Variants in GPR107 observed in about 807,000 individuals in gnomAD.
The protein encoded by GPR107 is protein GPR107.
A neutral mutation model predicts 75.5 loss-of-function variants in GPR107; 31 were observed. That is an observed-to-expected ratio of 0.41 (90% confidence interval 0.31 to 0.55). GPR107 has a LOEUF of 0.55. GPR107 is among the 20% of genes least tolerant of loss of function. The pLI is 0.26. For missense variants in GPR107, 572 were observed against 665.7 expected (o/e 0.86, Z 1.55); for synonymous variants, 267 against 251.3 (o/e 1.06, Z -0.59).
At chr9:130,055,324 C>G (rs1388082876) in intron 1 of GPR107, among the ~76,000 whole-genome samples, 1 of 151,756 alleles carries the variant, frequency 6.6e-6, no homozygotes, top group East Asian at 2.0e-4. Flanking sequence ...AAAAAATTAG[C>G]CAGGCGTGGT....
chr9:130,122,388 T>G (rs1831569683), intron 14 of GPR107, among the ~76,000 whole-genome samples: 1 of 152,152 alleles, frequency 6.6e-6, no homozygotes, highest in Non-Finnish European at 1.5e-5. Context: ...AACAGCAGGT[T>G]TGCATCCAGA....
Position 130,140,071 on chromosome 9 carries a change from AC to A in GPR107, c.*4951del, listed in dbSNP as rs1161936261. On this transcript the variant is annotated 3_prime_UTR_variant, in exon 18 of 18. Transcript: ENST00000347136. The surrounding 1 kb of genome is among the most constrained non-coding windows in gnomAD (Gnocchi z 4.0). The stretch of plus-strand genomic sequence containing the variant: ...TGAAGAGTATTTATGTAAACATACA[AC>A]GTATAATGGGTGGGGGATCCGATCA... 1 of 152,138 alleles carries A rather than the reference AC, an allele frequency of 6.6e-6. No individual in the cohort carries two copies. The highest frequency in any genetic ancestry group is 1.5e-5 in the Non-Finnish European group (1 of 68,034). The allele number at this position is 152,138 out of a possible 1,614,324, so 9.4% of individuals were successfully genotyped here.
At chr9:130,078,054 A>G (rs1830400172) in intron 4 of GPR107, among the ~76,000 whole-genome samples, 1 of 151,876 alleles carries the variant, frequency 6.6e-6, no homozygotes, top group African/African-American at 2.4e-5. Flanking sequence ...AGTCCCAGCT[A>G]TTCGGGAGGC....
intron 14 of GPR107, among the ~76,000 whole-genome samples, chr9:130,123,290 C>T (rs578242421): frequency 6.6e-6 from 1 of 152,176 alleles, no homozygotes; most frequent in African/African-American, 2.4e-5. Flanking sequence ...CTGCAACTGC[C>T]ATCTCCCAGA....
chr9:130,055,861 T>G (rs1175043288), intron 1 of GPR107, among the ~76,000 whole-genome samples: 2 of 148,794 alleles, frequency 1.3e-5, no homozygotes, highest in Non-Finnish European at 3.0e-5. Flanking sequence ...GGATAATTGC[T>G]TGAACCCGGG....
At chr9:130,101,264 C>T (rs753736538) in intron 12 of GPR107, 41 bp downstream of exon 12, 79 of 1,082,038 alleles carry the variant, frequency 7.3e-5, no homozygotes, top group Non-Finnish European at 8.9e-5. Context: ...CCTTTCTTGG[C>T]GCTTAGCAGG....
At chr9:130,054,617 T>C (rs969992341) in intron 1 of GPR107, among the ~76,000 whole-genome samples, 1 of 152,166 alleles carries the variant, frequency 6.6e-6, no homozygotes, top group Non-Finnish European at 1.5e-5. Context: ...AGCATTAAGG[T>C]GTGTCTCTAA....
rs1831917540 is a variant in GPR107 at position 130,135,045 on chromosome 9, T to C, written c.1583T>C (p.Met528Thr). 1.2e-6 allele frequency: 2 copies of C among 1,605,204 alleles called. No individual in the cohort carries two copies. The highest frequency in any genetic ancestry group is 1.3e-5 in the African/African-American group (1 of 74,764). Residue 528 changes from methionine (M) to threonine (T), a missense_variant, in exon 18 of 18, where the codon ATG becomes ACG. Met to Thr is a moderately conservative substitution (Grantham distance 81). Coordinates refer to ENST00000347136, the MANE Select transcript of GPR107 (RefSeq NM_020960.5). Reference sequence around the variant, plus strand: ...TTCAGTGTGACAACATCTGGGGTGATGGAAAGTATGAAGAAAGTCAAGAAG... The same window carrying C: ...TTCAGTGTGACAACATCTGGGGTGACGGAAAGTATGAAGAAAGTCAAGAAG... The part of the protein sequence containing the change: ...MESVVTTSGV[M>T]ESMKKVKKVT...
chr9:130,116,724 C>G (rs1024173804), intron 14 of GPR107, among the ~76,000 whole-genome samples: 2 of 152,142 alleles, frequency 1.3e-5, no homozygotes, highest in Non-Finnish European at 2.9e-5. Flanking sequence ...GAGCTGGAAA[C>G]CTAACAGGCT....
At chr9:130,129,961 A>G (rs915270743) in intron 17 of GPR107, 2 of 152,228 alleles carry the variant, frequency 1.3e-5, no homozygotes, top group Non-Finnish European at 2.9e-5. Flanking sequence ...CAGCCGTTAC[A>G]TCTTGGAGCC....
intron 17 of GPR107, among the ~76,000 whole-genome samples, chr9:130,132,793 CAAATAA>C (rs1831858275): frequency 7.2e-6 from 1 of 138,220 alleles, no homozygotes; most frequent in African/African-American, 2.8e-5. Context: ...CTCAAAAAAT[CAAATAA>C]AAAAAAAATA....
intron 4 of GPR107, among the ~76,000 whole-genome samples, chr9:130,079,213 TC>T (rs1830434121): frequency 6.6e-6 from 1 of 152,200 alleles, no homozygotes; most frequent in South Asian, 2.1e-4. Context: ...TCCACCCGCC[TC>T]AGCCTCCCAA....
At chr9:130,118,551 G>A (rs1831479055) in intron 14 of GPR107, among the ~76,000 whole-genome samples, 1 of 152,166 alleles carries the variant, frequency 6.6e-6, no homozygotes, top group African/African-American at 2.4e-5. Flanking sequence ...AGAATCGAGT[G>A]TCATGGTTAT....
chr9:130,108,227 C>T (rs1171483346), intron 14 of GPR107, among the ~76,000 whole-genome samples: 3 of 152,224 alleles, frequency 2.0e-5, no homozygotes, highest in Non-Finnish European at 4.4e-5. Flanking sequence ...AAGCTCAGAA[C>T]GGTCTCTGGA....
Position 130,103,168 on chromosome 9 carries a change from G to A in GPR107, c.1132-1252G>A, listed in dbSNP as rs1308403138. The stretch of plus-strand genomic sequence containing the variant: ...GGCTTCACGAGCAGTGTGGGACAGG[G>A]AAGGACCCAGAAGCTGGGGGTCATT... On this transcript the variant is annotated intron_variant, in intron 12 of 17. Transcript: ENST00000347136. This position sits in a 1 kb window ranked among gnomAD's most constrained non-coding sequence, Gnocchi z 4.3. 6.6e-6 allele frequency among the ~76,000 whole-genome samples: 1 copy of A among 152,160 alleles called. No individual in the cohort carries two copies. Among genetic ancestry groups the A allele is most frequent in the Admixed American group, 6.5e-5 (1 of 15,270 alleles).
At chr9:130,087,885 T>A (rs963185473) in intron 7 of GPR107, among the ~76,000 whole-genome samples, 2 of 150,022 alleles carry the variant, frequency 1.3e-5, no homozygotes, top group African/African-American at 4.9e-5. Flanking sequence ...TACTGACAAA[T>A]GCATATATAC....
chr9:130,104,297 G>C (rs1177408255), intron 12 of GPR107, 123 bp from the exon 13 acceptor site: 2 of 769,062 alleles, frequency 2.6e-6, no homozygotes, highest in Non-Finnish European at 4.3e-6. Context: ...CGTGGGACTG[G>C]AAAGAATGCT....
chr9:130,126,289 T>C (rs4836689), intron 15 of GPR107, among the ~76,000 whole-genome samples: 148,095 of 150,448 alleles, frequency 0.98, 72,903 homozygotes, highest in East Asian at 1. Flanking sequence ...ATATAAGGTA[T>C]AGGCCTCCCA....
At position 130,114,610 on chromosome 9, in the gene GPR107, T is replaced by C. The variant is rs1416248876; in HGVS notation, c.1306+7071T>C. On this transcript the variant is annotated intron_variant, in intron 14 of 17. Coordinates refer to ENST00000347136, the MANE Select transcript of GPR107 (RefSeq NM_020960.5). The stretch of plus-strand genomic sequence containing the variant: ...CATTTTGCCCAGGCTGATCTTGAAC[T>C]CCTGGCCTCTAGCTGTCCTCCTGCC... The C allele has an allele frequency of 2.1e-5, 12 of 566,630 alleles. No individual in the cohort carries two copies. In the East Asian group the frequency reaches 1.0e-3, roughly 48 times the overall value. The allele number at this position is 566,630 out of a possible 1,614,324, so 35.1% of individuals were successfully genotyped here. A position where few individuals can be genotyped will look rare whatever the true frequency, so the allele number is the denominator to read the frequency against.
Sources: gnomAD v4.1 joint callset for allele counts (sites outside exome capture counted in the v4.1 genomes callset) on GRCh38, gnomAD v4.1.1 for gene constraint, Gnocchi (gnomAD v3.1) non-coding constraint, MANE v1.5 for transcripts, NCBI Gene and HGNC (gene_info 2026-07-23, HGNC 2026-07-21) for gene names.